The following PPM1L variants were observed in gnomAD, a reference collection of about 807,000 sequenced individuals.
The protein encoded by PPM1L is protein phosphatase 1L.
PPM1L carries 13 observed loss-of-function variants against 31.4 expected under a neutral mutation model. The ratio of observed to expected loss-of-function variants is 0.41; its 90% CI spans 0.27 to 0.66. PPM1L has a LOEUF of 0.66. Among genes scored for constraint, PPM1L ranks in the 30% least tolerant of loss-of-function variants. PPM1L has a pLI of 0.29. For synonymous variants in PPM1L, 184 were observed against 175.4 expected, an observed-to-expected ratio of 1.05 and a Z score of -0.39; for missense variants, 326 against 453.7, an observed-to-expected ratio of 0.72 and a Z score of 2.56.
intron 1 of PPM1L, among the ~76,000 whole-genome samples, chr3:160,829,690 A>G (rs756409886): frequency 3.9e-5 from 6 of 152,030 alleles, no homozygotes; most frequent in Admixed American, 2.0e-4. Context: ...ACAGGATTTC[A>G]TTTGTAGCCT....
At chr3:160,949,935 C>T (rs1715527682) in intron 1 of PPM1L, among the ~76,000 whole-genome samples, 1 of 152,068 alleles carries the variant, frequency 6.6e-6, no homozygotes, top group Non-Finnish European at 1.5e-5. Context: ...TGAATTTGTT[C>T]TTTATTTACC....
At chr3:160,888,186 T>A (rs1712989329) in intron 1 of PPM1L, among the ~76,000 whole-genome samples, 1 of 152,102 alleles carries the variant, frequency 6.6e-6, no homozygotes, top group African/African-American at 2.4e-5. Flanking sequence ...ATAATAATAC[T>A]AACCTTAAAT....
At chr3:160,915,559 CTTTAAAGT>C in intron 1 of PPM1L, among the ~76,000 whole-genome samples, 1 of 152,296 alleles carries the variant, frequency 6.6e-6, no homozygotes, top group African/African-American at 2.4e-5. Context: ...GAAAAAGCTA[CTTTAAAGT>C]TCATATGGAA....
At chr3:160,786,157 C>CTCTGTGTGTGTGTG (rs1553806231) in intron 1 of PPM1L, among the ~76,000 whole-genome samples, 1 of 69,178 alleles carries the variant, frequency 1.4e-5, no homozygotes, top group African/African-American at 8.3e-5. Flanking sequence ...CTCTCTCTCT[C>CTCTGTGTGTGTGTG]TGTGTGTGTG....
At position 160,955,430 on chromosome 3, in the gene PPM1L, C is replaced by T. The variant is rs544229885; in HGVS notation, c.400-6306C>T. Among the ~76,000 whole-genome samples, 144 of 152,232 alleles carry T rather than the reference C, an allele frequency of 9.5e-4. 1 individual carries two copies. The highest frequency in any genetic ancestry group is 3.4e-3 in the Middle Eastern group (1 of 294). The stretch of plus-strand genomic sequence containing the variant: ...TCCCTAAAGGCTGTTTAGCACCTAA[C>T]ATAACTCATGCATTAAATAAATATA... On this transcript the variant is annotated intron_variant, in intron 1 of 3. Coordinates refer to ENST00000498165, the MANE Select transcript of PPM1L (RefSeq NM_139245.4).
chr3:161,044,360 A>ATTTT (rs1718996165), intron 2 of PPM1L, among the ~76,000 whole-genome samples: 1 of 150,074 alleles, frequency 6.7e-6, no homozygotes. Flanking sequence ...TTATTTATTT[A>ATTTT]TTTATTTATT....
chr3:160,756,671 G>A lies in PPM1L; in HGVS notation c.363G>A (p.Pro121=). The A allele has an allele frequency of 6.2e-7, 1 of 1,613,962 alleles. No individual in the cohort carries two copies. ...VLTDLANKTH[P]SIFGIFDGHG... ...CGGATCTGGCCAACAAGACGCACCC[G>A]TCCATCTTCGGGATCTTCGACGGGC... The change falls in exon 1 of 4, where the codon CCG becomes CCA. Residue 121 remains proline, a synonymous_variant. Coordinates refer to ENST00000498165, the MANE Select transcript of PPM1L (RefSeq NM_139245.4). This position sits in a 1 kb window ranked among gnomAD's most constrained non-coding sequence, Gnocchi z 6.2.
intron 1 of PPM1L, among the ~76,000 whole-genome samples, chr3:160,903,792 A>G (rs994338746): frequency 1.3e-5 from 2 of 151,186 alleles, no homozygotes; most frequent in Non-Finnish European, 2.9e-5. Flanking sequence ...CTAGGCGTCT[A>G]TATTCCAATG....
intron 2 of PPM1L, among the ~76,000 whole-genome samples, chr3:161,002,379 T>G (rs1227503364): frequency 6.6e-6 from 1 of 152,164 alleles, no homozygotes; most frequent in Non-Finnish European, 1.5e-5. Flanking sequence ...GGTCAAATGG[T>G]ATTTCTAGAT....
At chr3:161,014,486 T>G (rs910191643) in intron 2 of PPM1L, among the ~76,000 whole-genome samples, 1 of 151,384 alleles carries the variant, frequency 6.6e-6, no homozygotes, top group African/African-American at 2.4e-5. Context: ...TTTTTTTTTT[T>G]TTTTTTTAGA....
chr3:160,843,357 G>A (rs1227572155), intron 1 of PPM1L, among the ~76,000 whole-genome samples: 2 of 140,676 alleles, frequency 1.4e-5, no homozygotes, highest in Admixed American at 1.5e-4. Context: ...TTTGAATGAG[G>A]CCCAACAAAA....
chr3:160,962,667 T>C (rs1013055045), intron 2 of PPM1L, among the ~76,000 whole-genome samples: 5 of 152,084 alleles, frequency 3.3e-5, no homozygotes, highest in Admixed American at 1.3e-4. Context: ...AATTCTTATA[T>C]TAATGCCAAG....
intron 1 of PPM1L, among the ~76,000 whole-genome samples, chr3:160,842,585 C>CT (rs555684985): frequency 4.6e-5 from 7 of 152,198 alleles, no homozygotes; most frequent in Non-Finnish European, 1.0e-4. Flanking sequence ...TATGCAAGCT[C>CT]TGTCTTCACT....
intron 2 of PPM1L, among the ~76,000 whole-genome samples, chr3:160,972,770 GC>G (rs1280525052): frequency 1.3e-5 from 2 of 151,896 alleles, no homozygotes; most frequent in African/African-American, 4.8e-5. Context: ...CTGAGGAATC[GC>G]CACACTGACT....
At chr3:160,927,604 C>CTGTG (rs1247852099) in intron 1 of PPM1L, among the ~76,000 whole-genome samples, 1 of 146,254 alleles carries the variant, frequency 6.8e-6, no homozygotes, top group African/African-American at 2.7e-5. Context: ...TTTCATTTCC[C>CTGTG]TATGTGTGTG....
rs1553748160 is a variant in PPM1L, at chr3:160,944,816, A to ATGTTATATATAACATG, written c.400-16919_400-16918insGTTATATATAACATGT. Among the ~76,000 whole-genome samples, 18 of 23,838 alleles carry ATGTTATATATAACATG rather than the reference A, an allele frequency of 7.6e-4. 2 individuals are homozygous for ATGTTATATATAACATG. The highest frequency in any genetic ancestry group is 1.7e-3 in the African/African-American group (18 of 10,478). 15.6% of individuals were successfully genotyped at this position (23,838 alleles called of 152,430 possible). A position where few individuals can be genotyped will look rare whatever the true frequency, so the allele number is the denominator to read the frequency against. ...GTTATATATAACATATATAACATATATATGTTATATATAACATATATATGT... is the reference window on the plus strand; with the variant it reads ...GTTATATATAACATATATAACATATATGTTATATATAACATGTATGTTATATATAACATATATATGT... On this transcript the variant is annotated intron_variant, in intron 1 of 3. Transcript: ENST00000498165.
chr3:160,990,632 C>G (rs1004852103), intron 2 of PPM1L, among the ~76,000 whole-genome samples: 10 of 152,128 alleles, frequency 6.6e-5, no homozygotes, highest in Non-Finnish European at 1.3e-4. Context: ...ATAGCAATTC[C>G]TCTTTGTGAA....
In PPM1L at chr3:160,854,638, AGGAATAC is replaced by A. The variant is rs1376153059; in HGVS notation, c.399+97934_399+97940del. ...CACACATACACACACATACACCCCTAGGAATACGGCAGATCAGGGAGGTAAAAGATTT... is the reference window on the plus strand; with the variant it reads ...CACACATACACACACATACACCCCTAGGCAGATCAGGGAGGTAAAAGATTT... On this transcript the variant is annotated intron_variant, in intron 1 of 3. Transcript: ENST00000498165. Among the ~76,000 whole-genome samples, 3 of 152,026 alleles carry A rather than the reference AGGAATAC, an allele frequency of 2.0e-5. No homozygotes were observed. In the East Asian group the frequency reaches 5.8e-4, roughly 29 times the overall value.
chr3:160,863,836 T>C (rs1444731739), intron 1 of PPM1L, among the ~76,000 whole-genome samples: 1 of 152,196 alleles, frequency 6.6e-6, no homozygotes, highest in East Asian at 1.9e-4. Context: ...TTATAGGGTA[T>C]ACATAGTCCC....
Sources: allele counts gnomAD v4.1 joint callset (sites outside exome capture counted in the v4.1 genomes callset), GRCh38; gene constraint gnomAD v4.1.1; non-coding constraint Gnocchi (gnomAD v3.1); transcripts MANE v1.5; gene names NCBI Gene and HGNC (gene_info 2026-07-23, HGNC 2026-07-21).